Variants in SLCO2B1 observed in about 807,000 individuals in gnomAD.
The protein encoded by SLCO2B1 is solute carrier organic anion transporter family member 2B1.
In SLCO2B1, 41 loss-of-function variants were observed where a neutral mutation model predicts 67.3. The observed-to-expected ratio is 0.61, with a 90% CI of 0.47 to 0.79. SLCO2B1 has a LOEUF of 0.79. SLCO2B1 is among the 30% of genes least tolerant of loss of function. The probability of loss-of-function intolerance (pLI) is 0.00; values close to 1 mark genes in which losing one functional copy is unlikely to be tolerated. For missense variants in SLCO2B1, 837 were observed against 920.1 expected (o/e 0.91, Z 1.17); for synonymous variants, 379 against 381.4 (o/e 0.99, Z 0.07).
At position 75,169,262 on chromosome 11, in the gene SLCO2B1, T is replaced by C; in HGVS notation, c.538T>C (p.Tyr180His). The C allele has an allele frequency of 6.2e-7, 1 of 1,614,188 alleles. No individual in the cohort carries two copies. Among genetic ancestry groups the C allele is most frequent in the Non-Finnish European group, 8.5e-7 (1 of 1,180,026 alleles). The change falls in exon 5 of 14, where the codon TAC (tyrosine) becomes CAC (histidine). Residue 180 changes from tyrosine (Y) to histidine (H), a missense_variant. By Grantham distance (83) the Tyr-to-His change is moderately conservative. Coordinates refer to ENST00000289575, the MANE Select transcript of SLCO2B1 (RefSeq NM_007256.5). ...CCCCTCCAATGGCAACTGCTCAAGC[T>C]ACACAGAAACCCAGCATCTGAGTGT... The part of the protein sequence containing the change: ...SAPSNGNCSS[Y>H]TETQHLSVVG...
At chr11:75,176,146 G>T (rs550572895) in intron 7 of SLCO2B1, among the ~76,000 whole-genome samples, 1 of 152,308 alleles carries the variant, frequency 6.6e-6, no homozygotes. Flanking sequence ...GGCTCTGCAG[G>T]GTCTGTGGGG....
Position 75,169,711 on chromosome 11 carries a change from G to A in SLCO2B1, c.728G>A (p.Gly243Glu). 1 of 1,614,152 alleles carries A rather than the reference G, an allele frequency of 6.2e-7. No homozygotes were observed. The highest frequency in any genetic ancestry group is 8.5e-7 in the Non-Finnish European group (1 of 1,180,010). Residue 243 changes from glycine to glutamate, a missense_variant, in exon 6 of 14, where the codon GGG becomes GAG. Coordinates refer to ENST00000289575, the MANE Select transcript of SLCO2B1 (RefSeq NM_007256.5). ...VTMMGPGLAF[G>E]LGSLMLRLYV... Reference sequence around the variant, plus strand: ...ATGATGGGGCCAGGCCTGGCCTTTGGGCTGGGCAGCCTCATGCTGCGCCTT... The same window carrying A: ...ATGATGGGGCCAGGCCTGGCCTTTGAGCTGGGCAGCCTCATGCTGCGCCTT...
At chr11:75,156,728 C>T (rs904471943) in intron 1 of SLCO2B1, among the ~76,000 whole-genome samples, 3 of 152,214 alleles carry the variant, frequency 2.0e-5, no homozygotes, top group Non-Finnish European at 4.4e-5. Flanking sequence ...GGCAGAGCAG[C>T]CCCGAGGGCT....
intron 4 of SLCO2B1, among the ~76,000 whole-genome samples, chr11:75,168,175 G>A (rs1949915459): frequency 1.3e-5 from 2 of 152,182 alleles, no homozygotes; most frequent in African/African-American, 2.4e-5. Flanking sequence ...TTACAGGCAT[G>A]AGCCACAGCG....
chr11:75,162,882 C>A, intron 2 of SLCO2B1, 97 bp downstream of exon 2: 1 of 1,389,216 alleles, frequency 7.2e-7, no homozygotes, highest in Non-Finnish European at 9.8e-7. Flanking sequence ...CTCTGAGCCT[C>A]GGTTTCCTCA....
intron 1 of SLCO2B1, among the ~76,000 whole-genome samples, chr11:75,158,072 T>A (rs986662255): frequency 3.3e-5 from 5 of 152,062 alleles, no homozygotes; most frequent in Admixed American, 1.3e-4. Context: ...TTAAATTAAA[T>A]TATTTATTTA....
At chr11:75,186,923 C>T (rs147002209) in intron 7 of SLCO2B1, among the ~76,000 whole-genome samples, 18 of 152,326 alleles carry the variant, frequency 1.2e-4, no homozygotes, top group African/African-American at 4.3e-4. Flanking sequence ...CAGTGAAGTG[C>T]TCAGGCTCTG....
At chr11:75,197,522 G>A (rs1267007681) in intron 10 of SLCO2B1, among the ~76,000 whole-genome samples, 2 of 152,232 alleles carry the variant, frequency 1.3e-5, no homozygotes, top group Non-Finnish European at 2.9e-5. Context: ...GGGAAGGCAG[G>A]GCCCAGAAAA....
chr11:75,154,678 G>C (rs1949727696), intron 1 of SLCO2B1, among the ~76,000 whole-genome samples: 1 of 152,300 alleles, frequency 6.6e-6, no homozygotes, highest in Non-Finnish European at 1.5e-5. Context: ...TGTACTGAAG[G>C]CTCCAATGTT....
chr11:75,163,940 C>T, intron 2 of SLCO2B1, 23 bp from the exon 3 acceptor site: 1 of 1,585,412 alleles, frequency 6.3e-7, no homozygotes, highest in Admixed American at 1.8e-5. Context: ...CCCACCTCTG[C>T]CTGCCTCCGG....
chr11:75,169,986 A>T, intron 6 of SLCO2B1: 1 of 538,968 alleles, frequency 1.9e-6, no homozygotes, highest in Non-Finnish European at 3.3e-6. Flanking sequence ...GTGGAGATAA[A>T]CTGTAAAGTG....
chr11:75,182,439 G>A lies in SLCO2B1; in HGVS notation c.973-5697G>A, dbSNP rs1373497049. ...GACCATTGTGGGAATTAAATGACAT[G>A]ATGGATATGAAAGTGCAGTGTAGCT... On this transcript the variant is annotated intron_variant, in intron 7 of 13. Coordinates refer to ENST00000289575, the MANE Select transcript of SLCO2B1 (RefSeq NM_007256.5). Among the ~76,000 whole-genome samples, 5 of 152,208 alleles carry A rather than the reference G, an allele frequency of 3.3e-5. No homozygotes were observed. The East Asian group carries it at 9.6e-4, about 29-fold the overall frequency.
At position 75,204,956 on chromosome 11, in the gene SLCO2B1, C is replaced by G. The variant is rs1215688473; in HGVS notation, c.*376C>G. On this transcript the variant is annotated 3_prime_UTR_variant, in exon 14 of 14. Coordinates refer to ENST00000289575, the MANE Select transcript of SLCO2B1 (RefSeq NM_007256.5). Reference sequence around the variant, plus strand: ...CTCCATGCTGGGCCCCAGCCCAGGTCTGCACTCGCCTGGATCACCTTCTTT... The same window carrying G: ...CTCCATGCTGGGCCCCAGCCCAGGTGTGCACTCGCCTGGATCACCTTCTTT... The G allele has an allele frequency of 1.2e-5, 2 of 162,076 alleles. No homozygotes were observed. Among genetic ancestry groups the G allele is most frequent in the African/African-American group, 4.8e-5 (2 of 41,780 alleles). 10.0% of individuals were successfully genotyped at this position (162,076 alleles called of 1,614,324 possible).
intron 4 of SLCO2B1, among the ~76,000 whole-genome samples, chr11:75,168,774 A>G (rs936466335): frequency 6.6e-6 from 1 of 151,178 alleles, no homozygotes; most frequent in African/African-American, 2.4e-5. Flanking sequence ...TCCCTGGAAC[A>G]CCCCTCCCCT....
At chr11:75,167,899 T>C (rs1465105769) in intron 4 of SLCO2B1, among the ~76,000 whole-genome samples, 2 of 148,846 alleles carry the variant, frequency 1.3e-5, no homozygotes, top group East Asian at 1.9e-4. Context: ...TTCTTTCTTT[T>C]TTTTTTTTTT....
intron 11 of SLCO2B1, 69 bp from the exon 12 acceptor site, chr11:75,202,832 A>G: frequency 1.5e-6 from 2 of 1,350,876 alleles, no homozygotes; most frequent in South Asian, 2.3e-5. Flanking sequence ...GAACCCTTCA[A>G]CGTTGATGCA....
At chr11:75,202,993 G>A (rs763053603) in intron 12 of SLCO2B1, 28 bp downstream of exon 12, 1 of 1,594,586 alleles carries the variant, frequency 6.3e-7, no homozygotes, top group Non-Finnish European at 8.6e-7. Context: ...GACCATTGGT[G>A]GTGGTGATGG....
chr11:75,202,023 G>A (rs1028351516), intron 11 of SLCO2B1: 3 of 152,184 alleles, frequency 2.0e-5, no homozygotes, highest in Non-Finnish European at 4.4e-5. Flanking sequence ...CATACAAAAA[G>A]ACACTTTTCA....
At chr11:75,161,359 T>A (rs1043792875) in intron 1 of SLCO2B1, among the ~76,000 whole-genome samples, 1 of 152,186 alleles carries the variant, frequency 6.6e-6, no homozygotes, top group Non-Finnish European at 1.5e-5. Flanking sequence ...TGGAATTAGA[T>A]AGTGGAGATA....
Sources: allele counts gnomAD v4.1 joint callset (sites outside exome capture counted in the v4.1 genomes callset), GRCh38; gene constraint gnomAD v4.1.1; transcripts MANE v1.5; gene names NCBI Gene and HGNC (gene_info 2026-07-23, HGNC 2026-07-21).